Variants in CYTH1 observed in about 807,000 individuals in gnomAD.
CYTH1 encodes cytohesin-1.
Under a neutral mutation model 61.8 loss-of-function variants are expected in CYTH1, and 18 were observed. That is an observed-to-expected ratio of 0.29 (90% CI 0.20 to 0.43). CYTH1 has a LOEUF of 0.43. Ranked by LOEUF, CYTH1 falls within the 20% of genes least tolerant of loss-of-function variation. The pLI, the probability that CYTH1 is intolerant of heterozygous loss-of-function variation, is 1.00. For missense variants in CYTH1, 336 were observed against 510.5 expected, an observed-to-expected ratio of 0.66 and a Z score of 3.29; for synonymous variants, 174 against 184.3, an observed-to-expected ratio of 0.94 and a Z score of 0.45.
At chr17:78,693,715 A>AGC (rs1364781283) in intron 10 of CYTH1, among the ~76,000 whole-genome samples, 4 of 152,020 alleles carry the variant, frequency 2.6e-5, no homozygotes, top group Non-Finnish European at 5.9e-5. Context: ...AATTTCCCCA[A>AGC]GCCTATCTGA....
intron 12 of CYTH1, 131 bp downstream of exon 12, chr17:78,680,840 T>G (rs1275085477): frequency 3.3e-6 from 3 of 905,458 alleles, no homozygotes; most frequent in Non-Finnish European, 5.3e-6. Flanking sequence ...GCTTGAACAA[T>G]ATAATAAAAA....
intron 1 of CYTH1, among the ~76,000 whole-genome samples, chr17:78,721,861 C>T (rs553716016): frequency 9.2e-5 from 14 of 152,198 alleles, no homozygotes; most frequent in Non-Finnish European, 1.3e-4. Flanking sequence ...CTGACCAACA[C>T]GGTGAAAAAC....
Position 78,760,464 on chromosome 17 carries a change from T to C in CYTH1, c.22+21738A>G, listed in dbSNP as rs1376974164. ...ATATGTATATATATATACATACATA[T>C]ATATATGTATATATATGTATGTATA... is the stretch of plus-strand genomic sequence containing the variant. On this transcript the variant is annotated intron_variant, in intron 1 of 13. Transcript: ENST00000446868. 2.1e-4 allele frequency among the ~76,000 whole-genome samples: 11 copies of C among 53,016 alleles called. 1 individual carries two copies. Among genetic ancestry groups the C allele is most frequent in the South Asian group, 1.7e-3 (3 of 1,798 alleles). 34.8% of individuals were successfully genotyped at this position (53,016 alleles called of 152,430 possible).
At chr17:78,731,887 G>A (rs1331592772) in intron 1 of CYTH1, among the ~76,000 whole-genome samples, 1 of 152,138 alleles carries the variant, frequency 6.6e-6, no homozygotes, top group Non-Finnish European at 1.5e-5. Flanking sequence ...AAAATCCAAG[G>A]GAAAAATGAG....
chr17:78,690,362 C>T (rs2092868128), intron 11 of CYTH1, among the ~76,000 whole-genome samples: 1 of 124,950 alleles, frequency 8.0e-6, no homozygotes, highest in Admixed American at 1.0e-4. Flanking sequence ...CCACTGCACT[C>T]CAGCCTGGGC....
chr17:78,722,583 G>A (rs953925889), intron 1 of CYTH1, among the ~76,000 whole-genome samples: 3 of 152,262 alleles, frequency 2.0e-5, no homozygotes, highest in Admixed American at 6.5e-5. Flanking sequence ...GCTGGGCCAC[G>A]ACACCCCTTC....
rs142541418 is a variant in CYTH1, at chr17:78,712,384, G to A, written c.23-2652C>T. On this transcript the variant is annotated intron_variant, in intron 1 of 13. Coordinates refer to ENST00000446868, the MANE Select transcript of CYTH1 (RefSeq NM_004762.6). ...AACTGATTTTATGGCTGCATGCGGT[G>A]GCTCACACCTGTAATCTCAGCACTT... 9.8e-3 allele frequency among the ~76,000 whole-genome samples: 1,496 copies of A among 151,948 alleles called. 9 individuals are homozygous for A. Among genetic ancestry groups the A allele is most frequent in the African/African-American group, 0.011 (469 of 41,422 alleles).
chr17:78,760,354 T>TC (rs1567878849), intron 1 of CYTH1, among the ~76,000 whole-genome samples: 14 of 62,490 alleles, frequency 2.2e-4, no homozygotes, highest in African/African-American at 7.6e-4. Flanking sequence ...AAATAGCAGG[T>TC]TTATATATAT....
At chr17:78,704,524 T>A (rs903307206) in intron 3 of CYTH1, among the ~76,000 whole-genome samples, 1 of 152,148 alleles carries the variant, frequency 6.6e-6, no homozygotes, top group Non-Finnish European at 1.5e-5. Flanking sequence ...GTTTTTTGTG[T>A]TTTTGTTTTT....
intron 1 of CYTH1, among the ~76,000 whole-genome samples, chr17:78,738,902 T>C (rs754070250): frequency 1.1e-4 from 17 of 152,242 alleles, no homozygotes; most frequent in Non-Finnish European, 2.5e-4. Flanking sequence ...GCAGAAAAGC[T>C]GGTCATGAGG....
At chr17:78,761,943 C>A (rs976624958) in intron 1 of CYTH1, among the ~76,000 whole-genome samples, 2 of 152,122 alleles carry the variant, frequency 1.3e-5, no homozygotes, top group Non-Finnish European at 2.9e-5. Flanking sequence ...ACCAAATGAG[C>A]CTTTAACATA....
At chr17:78,751,784 A>G (rs2093381329) in intron 1 of CYTH1, among the ~76,000 whole-genome samples, 1 of 152,238 alleles carries the variant, frequency 6.6e-6, no homozygotes, top group East Asian at 1.9e-4. Context: ...GCTATTGGTT[A>G]TATCAAATGA....
At chr17:78,681,481 T>C (rs905222788) in intron 11 of CYTH1, among the ~76,000 whole-genome samples, 3 of 152,022 alleles carry the variant, frequency 2.0e-5, no homozygotes, top group South Asian at 4.1e-4. Flanking sequence ...CATTAACCAC[T>C]CACTGCCTCT....
At chr17:78,701,804 C>G (rs1300586375) in intron 5 of CYTH1, 53 bp from the exon 6 acceptor site, 7 of 1,570,978 alleles carry the variant, frequency 4.5e-6, no homozygotes, top group Non-Finnish European at 6.1e-6. Context: ...GGCACCAACA[C>G]TGAGAATCTC....
At chr17:78,757,140 A>G (rs1179684994) in intron 1 of CYTH1, among the ~76,000 whole-genome samples, 1 of 151,774 alleles carries the variant, frequency 6.6e-6, no homozygotes, top group East Asian at 1.9e-4. Flanking sequence ...AGTAGAGACA[A>G]GGTTTCACTG....
chr17:78,753,529 A>G (rs10401007), intron 1 of CYTH1, among the ~76,000 whole-genome samples: 11 of 151,840 alleles, frequency 7.2e-5, no homozygotes, highest in African/African-American at 2.2e-4. Flanking sequence ...AAATAAATAA[A>G]TAAAGATAAC....
chr17:78,750,394 T>C (rs573868755), intron 1 of CYTH1, among the ~76,000 whole-genome samples: 2 of 152,270 alleles, frequency 1.3e-5, no homozygotes, highest in South Asian at 4.2e-4. Context: ...TGAGAGACCC[T>C]GTAGGTATCC....
At chr17:78,764,025 C>T (rs1399036361) in intron 1 of CYTH1, among the ~76,000 whole-genome samples, 3 of 151,912 alleles carry the variant, frequency 2.0e-5, no homozygotes, top group Admixed American at 1.3e-4. Context: ...GCAGGAGAAT[C>T]GCTTGAACCC....
At chr17:78,676,200 C>T (rs373065273) in intron 13 of CYTH1, 31 bp from the exon 14 acceptor site, 1,137 of 1,583,288 alleles carry the variant, frequency 7.2e-4, no homozygotes, top group Non-Finnish European at 8.5e-4. Context: ...AAAACAGAGA[C>T]GTGAGGGACA....
Sources: allele counts gnomAD v4.1 joint callset (sites outside exome capture counted in the v4.1 genomes callset), GRCh38; gene constraint gnomAD v4.1.1; transcripts MANE v1.5; gene names NCBI Gene and HGNC (gene_info 2026-07-23, HGNC 2026-07-21).